Variants in ITPR2 observed in about 807,000 individuals in gnomAD.
The protein encoded by ITPR2 is inositol 1,4,5-trisphosphate receptor type 2.
ITPR2 carries 207 observed loss-of-function variants against 317.1 expected under a neutral mutation model. The ratio of observed to expected loss-of-function variants is 0.65; its 90% CI spans 0.58 to 0.73. ITPR2 has a LOEUF of 0.73. ITPR2 is among the 30% of genes least tolerant of loss of function. The probability of loss-of-function intolerance (pLI) is 0.00; values close to 1 mark genes in which losing one functional copy is unlikely to be tolerated. For missense variants in ITPR2, 2,613 were observed against 3,284.0 expected (o/e 0.80, Z 4.99); for synonymous variants, 1,156 against 1,149.1 (o/e 1.01, Z -0.12).
intron 26 of ITPR2, among the ~76,000 whole-genome samples, chr12:26,616,922 TC>T (rs1946386008): frequency 6.6e-6 from 1 of 152,242 alleles, no homozygotes; most frequent in African/African-American, 2.4e-5. Context: ...TATTTTCTTT[TC>T]CTTACGATTT....
Position 26,631,920 on chromosome 12 carries a change from C to G in ITPR2, c.2880G>C (p.Glu960Asp), listed in dbSNP as rs779689018. 2 of 1,614,014 alleles carry G rather than the reference C, an allele frequency of 1.2e-6. No individual in the cohort carries two copies. Among genetic ancestry groups the G allele is most frequent in the African/African-American group, 1.3e-5 (1 of 75,008 alleles). ...IHPSKQGSPTEHEDVTVMDTK... is the reference protein window; with the variant it reads ...IHPSKQGSPTDHEDVTVMDTK... ...TGTCCATCACAGTCACATCCTCGTG[C>G]TCGGTGGGGCTCCCTTGCTTGCTCG... The change falls in exon 22 of 57, where the codon GAG becomes GAC. Residue 960 changes from glutamate (E) to aspartate (D), a missense_variant. Physicochemically the swap from Glu to Asp is conservative, Grantham distance 45. Around this residue, in one of 9 missense-constraint regions of ITPR2, gnomAD observed 817 missense variants for 897.6 expected, o/e 0.91. Transcript: ENST00000381340.
chr12:26,617,395 A>C (rs1014070999), intron 26 of ITPR2, among the ~76,000 whole-genome samples: 3 of 152,222 alleles, frequency 2.0e-5, no homozygotes, highest in African/African-American at 7.2e-5. Flanking sequence ...ATGAATTTAT[A>C]ACCATTAAAA....
At chr12:26,585,084 T>C (rs928012481) in intron 32 of ITPR2, among the ~76,000 whole-genome samples, 6 of 152,182 alleles carry the variant, frequency 3.9e-5, no homozygotes, top group Non-Finnish European at 4.4e-5. Flanking sequence ...ATATTAATTG[T>C]AGGAACTCTG....
At chr12:26,709,055 A>G (rs1256647870) in intron 9 of ITPR2, among the ~76,000 whole-genome samples, 1 of 152,206 alleles carries the variant, frequency 6.6e-6, no homozygotes, top group Non-Finnish European at 1.5e-5. Flanking sequence ...ACCTCTAGAC[A>G]CTTTCACACC....
intron 26 of ITPR2, 70 bp downstream of exon 26, chr12:26,621,053 G>T: frequency 7.6e-7 from 1 of 1,314,294 alleles, no homozygotes; most frequent in Non-Finnish European, 1.1e-6. Context: ...TTTGATTGTA[G>T]AGCATGTGGT....
intron 32 of ITPR2, among the ~76,000 whole-genome samples, chr12:26,588,955 AT>A (rs1945612894): frequency 6.6e-6 from 1 of 152,240 alleles, no homozygotes; most frequent in Non-Finnish European, 1.5e-5. Context: ...TGAGGCTAAC[AT>A]TGACCATAGT....
intron 21 of ITPR2, among the ~76,000 whole-genome samples, chr12:26,640,459 T>A (rs1946960328): frequency 6.6e-6 from 1 of 152,202 alleles, no homozygotes; most frequent in African/African-American, 2.4e-5. Flanking sequence ...GCATATAATT[T>A]ACATATATTA....
chr12:26,368,944 T>C (rs947296405), intron 55 of ITPR2, among the ~76,000 whole-genome samples: 1 of 152,122 alleles, frequency 6.6e-6, no homozygotes, highest in Non-Finnish European at 1.5e-5. Context: ...AAGAATGACA[T>C]AGTGGGGAGA....
intron 2 of ITPR2, among the ~76,000 whole-genome samples, chr12:26,744,551 G>A (rs890429047): frequency 3.3e-5 from 5 of 152,200 alleles, no homozygotes; most frequent in Non-Finnish European, 5.9e-5. Context: ...TCTGATAAAT[G>A]CCTAGCACTT....
chr12:26,349,687 G>A (rs886325600), intron 55 of ITPR2, among the ~76,000 whole-genome samples: 3 of 152,268 alleles, frequency 2.0e-5, no homozygotes, highest in South Asian at 2.1e-4. Flanking sequence ...CCTTAGAGAC[G>A]TGCATGGCAC....
At chr12:26,617,972 T>C (rs1190367664) in intron 26 of ITPR2, among the ~76,000 whole-genome samples, 2 of 152,232 alleles carry the variant, frequency 1.3e-5, no homozygotes, top group Non-Finnish European at 2.9e-5. Flanking sequence ...TTAAGATTTA[T>C]GTCATTTAGG....
intron 34 of ITPR2, among the ~76,000 whole-genome samples, chr12:26,564,313 A>C (rs1944893384): frequency 6.6e-6 from 1 of 152,234 alleles, no homozygotes; most frequent in African/African-American, 2.4e-5. Context: ...TGAGAGAAGA[A>C]ATTATTAAGA....
intron 2 of ITPR2, among the ~76,000 whole-genome samples, chr12:26,778,435 C>G (rs1282781178): frequency 6.6e-6 from 1 of 152,190 alleles, no homozygotes; most frequent in African/African-American, 2.4e-5. Context: ...CCAATTGCAG[C>G]TGCTGTACCA....
chr12:26,590,028 C>A (rs969831416), intron 32 of ITPR2, among the ~76,000 whole-genome samples: 54 of 151,314 alleles, frequency 3.6e-4, no homozygotes, highest in African/African-American at 1.1e-3. Flanking sequence ...AAACTAGAAT[C>A]CCAGAAACTA....
At chr12:26,578,881 A>G in intron 33 of ITPR2, 48 bp from the exon 34 acceptor site, 1 of 1,554,394 alleles carries the variant, frequency 6.4e-7, no homozygotes, top group Non-Finnish European at 8.8e-7. Flanking sequence ...AACCATTAAC[A>G]GCCCTGATGT....
At chr12:26,627,822 G>A (rs978926312) in intron 23 of ITPR2, among the ~76,000 whole-genome samples, 3 of 152,126 alleles carry the variant, frequency 2.0e-5, no homozygotes, top group Non-Finnish European at 4.4e-5. Flanking sequence ...ACCAAATGTA[G>A]ATGACGGGTT....
chr12:26,608,646 C>T (rs1022664330), intron 26 of ITPR2, among the ~76,000 whole-genome samples: 10 of 151,792 alleles, frequency 6.6e-5, no homozygotes, highest in African/African-American at 1.9e-4. Context: ...CTGCCTGGCC[C>T]GCCCCACAGT....
intron 49 of ITPR2, chr12:26,421,339 T>G (rs1056985433): frequency 6.6e-6 from 1 of 152,184 alleles, no homozygotes. Flanking sequence ...TCACTAAGTC[T>G]TGACGTGGAG....
intron 55 of ITPR2, among the ~76,000 whole-genome samples, chr12:26,357,650 G>T (rs1938683174): frequency 6.6e-6 from 1 of 152,252 alleles, no homozygotes; most frequent in Admixed American, 6.5e-5. Context: ...AGTGTGGCTG[G>T]CATCGGACAT....
Sources: allele counts gnomAD v4.1 joint callset (sites outside exome capture counted in the v4.1 genomes callset), GRCh38; gene constraint gnomAD v4.1.1; regional missense constraint gnomAD v4.1.1; transcripts MANE v1.5; gene names NCBI Gene and HGNC (gene_info 2026-07-23, HGNC 2026-07-21).